MVD: variants seen among roughly 807,000 people sequenced by gnomAD.
MVD encodes diphosphomevalonate decarboxylase.
In MVD, 52 loss-of-function variants were observed where a neutral mutation model predicts 42.4. The observed-to-expected ratio is 1.23, with a 90% CI of 0.98 to 1.55. The LOEUF (loss-of-function observed/expected upper bound fraction) is 1.55. Ranked by LOEUF, MVD falls within the 40% of genes most tolerant of loss-of-function variation. The pLI is 0.00. For missense variants in MVD, 663 were observed against 572.1 expected (o/e 1.16, Z -1.62); for synonymous variants, 287 against 243.2 (o/e 1.18, Z -1.68).
At chr16:88,653,535 G>T (rs74033340) in intron 8 of MVD, 127 bp from the exon 9 acceptor site, 4 of 745,428 alleles carry the variant, frequency 5.4e-6, no homozygotes, top group Non-Finnish European at 8.5e-6. Context: ...AGGGGGAGAC[G>T]GCAGGTGGCT....
At chr16:88,656,347 C>A in intron 4 of MVD, 43 bp from the exon 5 acceptor site, 2 of 1,586,624 alleles carry the variant, frequency 1.3e-6, no homozygotes, top group Non-Finnish European at 1.7e-6. Context: ...GAGCTGCCTG[C>A]GCTGTGCTCC....
Position 88,653,286 on chromosome 16 carries a change from G to A in MVD, c.1122+14C>T. 1.3e-6 allele frequency: 2 copies of A among 1,590,804 alleles called. No homozygotes were observed. The highest frequency in any genetic ancestry group is 1.4e-5 in the African/African-American group (1 of 73,348). On this transcript the variant is annotated intron_variant, in intron 9 of 9. Coordinates refer to ENST00000301012, the MANE Select transcript of MVD (RefSeq NM_002461.3). ...AAGGAAACCCCGGGGTACTGGGTGA[G>A]CCCCAGGCCTCACCTGAGTGACAAT...
intron 4 of MVD, chr16:88,657,130 T>TA (rs112485764): frequency 8.7e-6 from 4 of 460,718 alleles, no homozygotes; most frequent in East Asian, 1.0e-4. Context: ...TTTGTAGAGA[T>TA]GGGGGGGGGT....
At chr16:88,661,913 C>T (rs1259800369) in intron 1 of MVD, among the ~76,000 whole-genome samples, 1 of 129,888 alleles carries the variant, frequency 7.7e-6, no homozygotes, top group African/African-American at 3.2e-5. Context: ...TAGGTGTATA[C>T]ATATACACAC....
chr16:88,652,282 TC>T lies in MVD; in HGVS notation c.*242del, dbSNP rs1256746181. On this transcript the variant is annotated 3_prime_UTR_variant, in exon 10 of 10. Coordinates refer to ENST00000301012, the MANE Select transcript of MVD (RefSeq NM_002461.3). ...AGGCTCTGCCAGTTCTCATACCCCC[TC>T]CCCATCCCATCTTGGCAAAGCGCTG... 5.0e-6 allele frequency: 3 copies of T among 596,042 alleles called. No individual in the cohort carries two copies. Among genetic ancestry groups the T allele is most frequent in the Non-Finnish European group, 9.0e-6 (3 of 332,056 alleles). 36.9% of individuals were successfully genotyped at this position (596,042 alleles called of 1,614,324 possible).
In MVD at chr16:88,656,135, G is replaced by C; in HGVS notation, c.573C>G (p.His191Gln). 3 of 1,601,960 alleles carry C rather than the reference G, an allele frequency of 1.9e-6. No individual in the cohort carries two copies. Among genetic ancestry groups the C allele is most frequent in the Non-Finnish European group, 2.5e-6 (3 of 1,179,904 alleles). The change falls in exon 5 of 10, where the codon CAC becomes CAG. Residue 191 changes from histidine (H) to glutamine (Q), a missense_variant. Physicochemically the swap from His to Gln is conservative, Grantham distance 24. Coordinates refer to ENST00000301012, the MANE Select transcript of MVD (RefSeq NM_002461.3). Reference sequence around the variant, plus strand: ...GGATGAGCACGCGGAGTTCAGGCCAGTGTGACTCGGGGGCCACTTGCCGAG... The same window carrying C: ...GGATGAGCACGCGGAGTTCAGGCCACTGTGACTCGGGGGCCACTTGCCGAG... Reference protein sequence around the residue: ...SIARQVAPESHWPELRVLILV... With the variant: ...SIARQVAPESQWPELRVLILV...
intron 4 of MVD, chr16:88,656,620 G>C (rs1335474001): frequency 6.3e-6 from 3 of 473,536 alleles, no homozygotes; most frequent in African/African-American, 3.9e-5. Flanking sequence ...GGACACCCAA[G>C]CTGGGCTTTG....
intron 2 of MVD, 88 bp from the exon 3 acceptor site, chr16:88,658,117 G>A (rs1908058329): frequency 5.2e-6 from 7 of 1,346,258 alleles, no homozygotes; most frequent in Non-Finnish European, 7.4e-6. Flanking sequence ...GAGCCTCATG[G>A]CTGCCCACTC....
intron 9 of MVD, 133 bp from the exon 10 acceptor site, chr16:88,652,738 G>C (rs946072426): frequency 9.4e-6 from 8 of 847,726 alleles, no homozygotes; most frequent in Admixed American, 2.7e-5. Context: ...AGAAGGTAAA[G>C]CGCCTGAGTG....
intron 5 of MVD, 76 bp downstream of exon 5, chr16:88,656,028 GC>G: frequency 2.6e-6 from 4 of 1,512,088 alleles, no homozygotes; most frequent in Non-Finnish European, 3.5e-6. Flanking sequence ...GGACGCCTTC[GC>G]TCCTGCTCCC....
intron 1 of MVD, among the ~76,000 whole-genome samples, chr16:88,660,098 T>G (rs79118681): frequency 6.6e-6 from 1 of 151,856 alleles, no homozygotes; most frequent in East Asian, 1.9e-4. Context: ...CAGGAGTCAT[T>G]GGAGAGCACA....
Position 88,652,606 on chromosome 16 carries a change from C to G in MVD, c.1123-1G>C, listed in dbSNP as rs1395985776. The G allele has an allele frequency of 1.3e-6, 2 of 1,555,504 alleles. No individual in the cohort carries two copies. On this transcript the variant is annotated splice_acceptor_variant, in intron 9 of 9. Coordinates refer to ENST00000301012, the MANE Select transcript of MVD (RefSeq NM_002461.3). LOFTEE classifies it high-confidence loss of function. ...CCAGGATTTGAGGCCCTGGCCCCAC[C>G]TGGGGATAGAAATCCATGTCAGGTC...
Position 88,662,936 on chromosome 16 carries a change from G to C in MVD, c.70+75C>G, listed in dbSNP as rs1468988558. 1.9e-6 allele frequency: 3 copies of C among 1,546,306 alleles called. No individual in the cohort carries two copies. The African/African-American group carries it at 4.2e-5, about 22-fold the overall frequency. On this transcript the variant is annotated intron_variant, in intron 1 of 9. Coordinates refer to ENST00000301012, the MANE Select transcript of MVD (RefSeq NM_002461.3). ...GGAGGGCAGGACGGAGCGCGCCGCC[G>C]AATCAGCGCGCGACCCCCGCGTACC...
intron 1 of MVD, 84 bp downstream of exon 1, chr16:88,662,927 C>G: frequency 6.5e-7 from 1 of 1,540,978 alleles, no homozygotes; most frequent in Non-Finnish European, 8.7e-7. Flanking sequence ...CAGGACGGAG[C>G]GCGCCGCCGA....
Position 88,656,086 on chromosome 16 carries a change from C to T in MVD, c.603+19G>A, listed in dbSNP as rs1029961014. 7 of 1,565,536 alleles carry T rather than the reference C, an allele frequency of 4.5e-6. No homozygotes were observed. Among genetic ancestry groups the T allele is most frequent in the Admixed American group, 3.4e-5 (2 of 58,730 alleles). Reference sequence around the variant, plus strand: ...CAGAGGCCACCGGGCTGCTGCTCCACCCGCCCCACCCCACTCACCACAAGG... The same window carrying T: ...CAGAGGCCACCGGGCTGCTGCTCCATCCGCCCCACCCCACTCACCACAAGG... On this transcript the variant is annotated intron_variant, in intron 5 of 9. Transcript: ENST00000301012.
chr16:88,655,344 C>G lies in MVD; in HGVS notation c.752G>C (p.Ser251Thr). 6.2e-7 allele frequency: 1 copy of G among 1,602,822 alleles called. No homozygotes were observed. The highest frequency in any genetic ancestry group is 8.5e-7 in the Non-Finnish European group (1 of 1,175,114). The change falls in exon 7 of 10, where the codon AGC (serine) becomes ACC (threonine). Residue 251 changes from serine (S) to threonine (T), a missense_variant. Physicochemically the swap from Ser to Thr is moderately conservative, Grantham distance 58. Transcript: ENST00000301012. Reference sequence around the variant, plus strand: ...GTCCTTCATGGTCAGCTGGGCGAAGCTGGGGAAGTCTCGCTCCCGGATGCA... The same window carrying G: ...GTCCTTCATGGTCAGCTGGGCGAAGGTGGGGAAGTCTCGCTCCCGGATGCA... The part of the protein sequence containing the change: ...ARCIRERDFP[S>T]FAQLTMKDSN...
intron 5 of MVD, 116 bp downstream of exon 5, chr16:88,655,989 T>G: frequency 7.2e-7 from 1 of 1,391,192 alleles, no homozygotes; most frequent in South Asian, 1.4e-5. Context: ...CAGCCCCCGC[T>G]GACCCCAGGA....
At chr16:88,661,185 C>A (rs1366243306) in intron 1 of MVD, among the ~76,000 whole-genome samples, 4 of 151,902 alleles carry the variant, frequency 2.6e-5, no homozygotes, top group African/African-American at 4.8e-5. Context: ...AAAAGGCAAT[C>A]CTGTACAACT....
At chr16:88,659,992 G>A (rs113693168) in intron 1 of MVD, among the ~76,000 whole-genome samples, 2,712 of 143,936 alleles carry the variant, frequency 0.019, 79 homozygotes, top group African/African-American at 0.063. Context: ...AAAAAAAAAA[G>A]AAAAGAAAAA....
Sources: allele counts gnomAD v4.1 joint callset (sites outside exome capture counted in the v4.1 genomes callset), GRCh38; gene constraint gnomAD v4.1.1; transcripts MANE v1.5; gene names NCBI Gene and HGNC (gene_info 2026-07-23, HGNC 2026-07-21).